ZBTB47: variants seen among roughly 807,000 people sequenced by gnomAD.
ZBTB47 encodes the protein zinc finger and BTB domain containing 47, also known as zinc finger and BTB domain-containing protein 47.
A neutral mutation model predicts 56.6 loss-of-function variants in ZBTB47; 24 were observed. That is an observed-to-expected ratio of 0.42 (90% confidence interval 0.31 to 0.60). The LOEUF (loss-of-function observed/expected upper bound fraction) is 0.60, where lower values mean the gene tolerates loss of function less well. ZBTB47 is among the 20% of genes least tolerant of loss of function. The probability of loss-of-function intolerance (pLI) is 0.14; values close to 1 mark genes in which losing one functional copy is unlikely to be tolerated. For synonymous variants in ZBTB47, 414 were observed against 418.9 expected (o/e 0.99, Z 0.14); for missense variants, 829 against 1,032.6 (o/e 0.80, Z 2.70).
Position 42,665,267 on chromosome 3 carries a change from G to C in ZBTB47, c.*669G>C, listed in dbSNP as rs533676266. On this transcript the variant is annotated 3_prime_UTR_variant, in exon 6 of 6. Transcript: ENST00000232974. ...GGGCAGGCAGGGGCTGGACCCCAGG[G>C]ACTTGCCTTCCCCACCCACTCTGCT... 2.3e-4 allele frequency: 35 copies of C among 152,582 alleles called. No homozygotes were observed. The highest frequency in any genetic ancestry group is 7.9e-4 in the African/African-American group (33 of 41,524). The allele number at this position is 152,582 out of a possible 1,614,324, so 9.5% of individuals were successfully genotyped here.
rs1305045532 is a variant in ZBTB47 at position 42,666,761 on chromosome 3, C to G, written c.*2163C>G. Among the ~76,000 whole-genome samples, 1 of 152,158 alleles carries G rather than the reference C, an allele frequency of 6.6e-6. No homozygotes were observed. Among genetic ancestry groups the G allele is most frequent in the Non-Finnish European group, 1.5e-5 (1 of 68,032 alleles). ...ACTGGTGGGGAGCTGGCAATGAAAC[C>G]CTGTCCTGGGACATGGGTTTCATGT... On this transcript the variant is annotated 3_prime_UTR_variant, in exon 6 of 6. Transcript: ENST00000232974.
rs538074921 is a variant in ZBTB47 at position 42,664,440 on chromosome 3, G to C, written c.2086G>C (p.Ala696Pro). 27 of 1,531,546 alleles carry C rather than the reference G, an allele frequency of 1.8e-5. No homozygotes were observed. Among genetic ancestry groups the C allele is most frequent in the Non-Finnish European group, 2.2e-5 (25 of 1,142,182 alleles). The allele number at this position is 1,531,546 out of a possible 1,614,324, so 94.9% of individuals were successfully genotyped here. Residue 696 changes from alanine to proline, a missense_variant, in exon 6 of 6, where the codon GCT (alanine) becomes CCT (proline). Ala to Pro is a conservative substitution (Grantham distance 27). Transcript: ENST00000232974. ...SHTLAGDGVP[A>P]APGLPPTQPQ... ...CACCCTGGCCGGCGACGGCGTCCCC[G>C]CTGCCCCAGGCCTGCCCCCAACCCA...
At chr3:42,664,178 C>T in intron 5 of ZBTB47, 59 bp from the exon 6 acceptor site, 1 of 1,593,060 alleles carries the variant, frequency 6.3e-7, no homozygotes, top group East Asian at 2.3e-5. Context: ...GGAGGCTGGC[C>T]CCAGACTGGG....
chr3:42,653,144 C>T (rs3856737), upstream of ZBTB47, among the ~76,000 whole-genome samples: 26,337 of 152,088 alleles, frequency 0.17, 2,760 homozygotes, highest in African/African-American at 0.29. Context: ...TGAGGCCCTA[C>T]GTATTCTGGC....
chr3:42,655,641 G>A (rs1286365367), intron 1 of ZBTB47, among the ~76,000 whole-genome samples: 1 of 152,228 alleles, frequency 6.6e-6, no homozygotes, highest in Admixed American at 6.5e-5. Flanking sequence ...CATTGCTTCC[G>A]GGAACCAGCA....
chr3:42,660,511 G>A (rs573758031), intron 2 of ZBTB47, among the ~76,000 whole-genome samples: 35 of 152,312 alleles, frequency 2.3e-4, no homozygotes, highest in African/African-American at 7.9e-4. Flanking sequence ...CCTTGAGCCA[G>A]CCTGAGTCTG....
Position 42,665,750 on chromosome 3 carries a change from T to C in ZBTB47, c.*1152T>C. On this transcript the variant is annotated 3_prime_UTR_variant, in exon 6 of 6. Transcript: ENST00000232974. ...AGCACTGCCGGTAAAGGAGCCTGCA[T>C]GTTCAGGCCCCTCGGGGGATTGGGG... is the stretch of plus-strand genomic sequence containing the variant. 6.5e-6 allele frequency: 1 copy of C among 152,716 alleles called. No individual in the cohort carries two copies. The highest frequency in any genetic ancestry group is 2.1e-4 in the South Asian group (1 of 4,836). The allele number at this position is 152,716 out of a possible 1,614,324, so 9.5% of individuals were successfully genotyped here.
Position 42,664,614 on chromosome 3 carries a change from C to G in ZBTB47, c.*16C>G. 1 of 1,404,310 alleles carries G rather than the reference C, an allele frequency of 7.1e-7. No individual in the cohort carries two copies. The highest frequency in any genetic ancestry group is 9.2e-7 in the Non-Finnish European group (1 of 1,092,792). The allele number at this position is 1,404,310 out of a possible 1,614,324, so 87.0% of individuals were successfully genotyped here. On this transcript the variant is annotated 3_prime_UTR_variant, in exon 6 of 6. Transcript: ENST00000232974. The stretch of plus-strand genomic sequence containing the variant: ...CAACAACTAGCTGCCGAGCTGCACC[C>G]GTGCACCCGCTGGGGCCTGGAGTCA...
chr3:42,660,261 G>A (rs1443961789), intron 2 of ZBTB47, among the ~76,000 whole-genome samples: 1 of 152,214 alleles, frequency 6.6e-6, no homozygotes, highest in African/African-American at 2.4e-5. Flanking sequence ...TAGTTTCACA[G>A]GTTGTGCACT....
Position 42,659,735 on chromosome 3 carries a change from C to T in ZBTB47, c.1380C>T (p.Ser460=), listed in dbSNP as rs1407097667. The change falls in exon 2 of 6, where the codon AGC becomes AGT. Residue 460 remains serine, a synonymous_variant. Coordinates refer to ENST00000232974, the MANE Select transcript of ZBTB47 (RefSeq NM_145166.4). ...YLEKHMNVTH[S]RMQICDQCGK... ...AGAAACACATGAATGTGACCCACAG[C>T]CGCATGCAGATCTGCGACCAGTGCG... 6.2e-7 allele frequency: 1 copy of T among 1,613,858 alleles called. No individual in the cohort carries two copies. Among genetic ancestry groups the T allele is most frequent in the East Asian group, 2.2e-5 (1 of 44,880 alleles).
chr3:42,666,981 G>A lies in ZBTB47; in HGVS notation c.*2383G>A, dbSNP rs1710796078. ...TCTCTTCACTTGGGCCATTGTTGGT[G>A]GGGGCTCCTTTCCGGCCAGACCACA... On this transcript the variant is annotated 3_prime_UTR_variant, in exon 6 of 6. Coordinates refer to ENST00000232974, the MANE Select transcript of ZBTB47 (RefSeq NM_145166.4). Among the ~76,000 whole-genome samples, 1 of 152,242 alleles carries A rather than the reference G, an allele frequency of 6.6e-6. No individual in the cohort carries two copies. The highest frequency in any genetic ancestry group is 1.5e-5 in the Non-Finnish European group (1 of 68,052).
chr3:42,661,415 G>T, intron 2 of ZBTB47, 70 bp from the exon 3 acceptor site: 1 of 1,548,306 alleles, frequency 6.5e-7, no homozygotes, highest in East Asian at 2.3e-5. Flanking sequence ...CCAGACGGGG[G>T]CAGTAGCTTG....
At position 42,659,166 on chromosome 3, in the gene ZBTB47, G is replaced by A. The variant is rs751396719; in HGVS notation, c.811G>A (p.Gly271Arg). 40 of 1,519,788 alleles carry A rather than the reference G, an allele frequency of 2.6e-5. No individual in the cohort carries two copies. The highest frequency in any genetic ancestry group is 1.7e-4 in the Middle Eastern group (1 of 5,866). 94.1% of individuals were successfully genotyped at this position (1,519,788 alleles called of 1,614,324 possible). The part of the protein sequence containing the change: ...PATVVLGRED[G>R]LQRHSDEEEE... ...CACCGTGGTTCTGGGCCGGGAGGAC[G>A]GGCTGCAGAGACACTCGGACGAGGA... Residue 271 changes from glycine (G) to arginine (R), a missense_variant, in exon 2 of 6, where the codon GGG becomes AGG. Coordinates refer to ENST00000232974, the MANE Select transcript of ZBTB47 (RefSeq NM_145166.4).
rs370104285 is a variant in ZBTB47, at chr3:42,659,425, G to T, written c.1070G>T (p.Gly357Val). The change falls in exon 2 of 6, where the codon GGC becomes GTC. Residue 357 changes from glycine to valine, a missense_variant. Physicochemically the swap from Gly to Val is moderately radical, Grantham distance 109 (BLOSUM62 -3). Around this residue, in one of 6 missense-constraint regions of ZBTB47, gnomAD observed 359 missense variants for 359.8 expected, o/e 1.00. Coordinates refer to ENST00000232974, the MANE Select transcript of ZBTB47 (RefSeq NM_145166.4). Reference protein sequence around the residue: ...EEEGEEGEAGGKQGPRGSRSS... With the variant: ...EEEGEEGEAGVKQGPRGSRSS... ...GAGGGGGAGGAGGGGGAGGCTGGGG[G>T]CAAGCAGGGGCCACGGGGAAGCCGA... The T allele has an allele frequency of 6.7e-5, 48 of 717,654 alleles. No homozygotes were observed. In the East Asian group the frequency reaches 3.4e-3, roughly 50 times the overall value. 44.5% of individuals were successfully genotyped at this position (717,654 alleles called of 1,614,324 possible).
rs1465346745 is a variant in ZBTB47, at chr3:42,666,285, G to C, written c.*1687G>C. On this transcript the variant is annotated 3_prime_UTR_variant, in exon 6 of 6. Coordinates refer to ENST00000232974, the MANE Select transcript of ZBTB47 (RefSeq NM_145166.4). Reference sequence around the variant, plus strand: ...TTGCCCAATTGATGTTGGAGCTGTAGACGTACGCTCAGGCGCTCCTGCTGT... The same window carrying C: ...TTGCCCAATTGATGTTGGAGCTGTACACGTACGCTCAGGCGCTCCTGCTGT... 6.6e-6 allele frequency among the ~76,000 whole-genome samples: 1 copy of C among 152,224 alleles called. No homozygotes were observed. The highest frequency in any genetic ancestry group is 1.5e-5 in the Non-Finnish European group (1 of 68,048).
chr3:42,661,414 G>A, intron 2 of ZBTB47, 71 bp from the exon 3 acceptor site: 3 of 1,548,096 alleles, frequency 1.9e-6, no homozygotes, highest in Non-Finnish European at 2.6e-6. Context: ...GCCAGACGGG[G>A]GCAGTAGCTT....
chr3:42,659,310 G>C lies in ZBTB47; in HGVS notation c.955G>C (p.Glu319Gln). 1 of 1,474,018 alleles carries C rather than the reference G, an allele frequency of 6.8e-7. No individual in the cohort carries two copies. The highest frequency in any genetic ancestry group is 9.1e-7 in the Non-Finnish European group (1 of 1,094,402). The allele number at this position is 1,474,018 out of a possible 1,614,324, so 91.3% of individuals were successfully genotyped here. A position where few individuals can be genotyped will look rare whatever the true frequency, so the allele number is the denominator to read the frequency against. Residue 319 changes from glutamate (E) to glutamine (Q), a missense_variant, in exon 2 of 6, where the codon GAG becomes CAG. Physicochemically the swap from Glu to Gln is conservative, Grantham distance 29. Coordinates refer to ENST00000232974, the MANE Select transcript of ZBTB47 (RefSeq NM_145166.4). Reference protein sequence around the residue: ...GSQGEEEEEEEDGHSEQEEEE... With the variant: ...GSQGEEEEEEQDGHSEQEEEE... ...TCAGGGAGAAGAGGAAGAAGAGGAG[G>C]AGGACGGGCACAGTGAGCAGGAAGA...
In ZBTB47 at chr3:42,666,632, G is replaced by A. The variant is rs1295057373; in HGVS notation, c.*2034G>A. On this transcript the variant is annotated 3_prime_UTR_variant, in exon 6 of 6. Transcript: ENST00000232974. ...GGCACCAGGATCTCCCACAGGCACT[G>A]GTGGTGTCATCACCTGCTGGCCCCA... Among the ~76,000 whole-genome samples, 1 of 152,206 alleles carries A rather than the reference G, an allele frequency of 6.6e-6. No homozygotes were observed. The highest frequency in any genetic ancestry group is 1.5e-5 in the Non-Finnish European group (1 of 68,040).
At position 42,654,877 on chromosome 3, in the gene ZBTB47, T is replaced by A. The variant is rs1377799739; in HGVS notation, c.-82+994T>A. 6.6e-6 allele frequency among the ~76,000 whole-genome samples: 1 copy of A among 150,800 alleles called. No homozygotes were observed. Among genetic ancestry groups the A allele is most frequent in the Non-Finnish European group, 1.5e-5 (1 of 67,590 alleles). On this transcript the variant is annotated intron_variant, in intron 1 of 5. Transcript: ENST00000232974. The surrounding 1 kb of genome is among the most constrained non-coding windows in gnomAD (Gnocchi z 5.0). ...TGCGGCGCTGTGGCGCTGCTCTCGG[T>A]GGGGAGGGGGTTAAATTCCTGTGGT...
Sources: gnomAD v4.1 joint callset for allele counts (sites outside exome capture counted in the v4.1 genomes callset) on GRCh38, gnomAD v4.1.1 for gene constraint, gnomAD v4.1.1 regional missense constraint, Gnocchi (gnomAD v3.1) non-coding constraint, MANE v1.5 for transcripts, NCBI Gene and HGNC (gene_info 2026-07-23, HGNC 2026-07-21) for gene names.